Variants in HMGN5 observed in about 807,000 individuals in gnomAD.
HMGN5 encodes high mobility group nucleosome binding domain 5, also known as high mobility group nucleosome-binding domain-containing protein 5.
HMGN5 carries 4 observed loss-of-function variants against 9.5 expected under a neutral mutation model. The ratio of observed to expected loss-of-function variants is 0.42; its 90% CI spans 0.21 to 0.96. The LOEUF (loss-of-function observed/expected upper bound fraction) is 0.96, where lower values mean the gene tolerates loss of function less well. Ranked by LOEUF, HMGN5 falls within the 40% of genes least tolerant of loss-of-function variation. The pLI is 0.30. For missense variants in HMGN5, 192 were observed against 187.5 expected (o/e 1.02, Z -0.14); for synonymous variants, 55 against 57.1 (o/e 0.96, Z 0.16).
Position 81,113,760 on chromosome X carries a change from ATT to A in HMGN5, c.*887_*888del. 1.8e-5 allele frequency: 2 copies of A among 113,915 alleles called. No homozygotes were observed. The allele number at this position is 113,915 out of a possible 1,213,427, so 9.4% of individuals were successfully genotyped here. A position where few individuals can be genotyped will look rare whatever the true frequency, so the allele number is the denominator to read the frequency against. On this transcript the variant is annotated 3_prime_UTR_variant, in exon 7 of 7. Transcript: ENST00000358130. ...GCAAATCCATAGAGATAGAAGGCAG[ATT>A]AGTGGTTGCCAAGGGATGGAGGTGG... is the stretch of plus-strand genomic sequence containing the variant.
intron 1 of HMGN5, among the ~76,000 whole-genome samples, chrX:81,152,660 A>C (rs2075366916): frequency 9.0e-6 from 1 of 110,932 alleles, no homozygotes; most frequent in African/African-American, 3.3e-5. Context: ...TGCCCAAAGG[A>C]CTATAAATCA....
At chrX:81,115,935 T>G (rs1324639378) in intron 6 of HMGN5, among the ~76,000 whole-genome samples, 1 of 112,083 alleles carries the variant, frequency 8.9e-6, no homozygotes, top group Admixed American at 9.5e-5. Flanking sequence ...GGCTTGTATT[T>G]AATAAGAAGG....
chrX:81,144,343 T>A (rs1456045391), intron 1 of HMGN5, among the ~76,000 whole-genome samples: 1 of 111,615 alleles, frequency 9.0e-6, no homozygotes, highest in East Asian at 2.9e-4. Flanking sequence ...CCACTGGTGA[T>A]ACCCAGGCAA....
intron 1 of HMGN5, among the ~76,000 whole-genome samples, chrX:81,160,645 G>C (rs887549287): frequency 1.8e-5 from 2 of 111,527 alleles, no homozygotes; most frequent in African/African-American, 6.5e-5. Context: ...TCCTGTGTTA[G>C]TTTGCTGAAG....
intron 1 of HMGN5, among the ~76,000 whole-genome samples, chrX:81,166,937 T>A (rs2075412696): frequency 9.0e-6 from 1 of 111,350 alleles, no homozygotes; most frequent in Non-Finnish European, 1.9e-5. Context: ...CATCCTACCT[T>A]GGTCTTTATT....
chrX:81,150,335 G>A (rs926068163), intron 1 of HMGN5, among the ~76,000 whole-genome samples: 2 of 111,314 alleles, frequency 1.8e-5, no homozygotes, highest in Non-Finnish European at 3.8e-5. Context: ...AGGCCGAGGC[G>A]GGTGGATCAC....
At chrX:81,153,817 C>CT (rs1367123931) in intron 1 of HMGN5, among the ~76,000 whole-genome samples, 1 of 102,687 alleles carries the variant, frequency 9.7e-6, no homozygotes, top group Non-Finnish European at 2.0e-5. Flanking sequence ...TAGGAATTAA[C>CT]TTAACCAAAA....
intron 1 of HMGN5, among the ~76,000 whole-genome samples, chrX:81,177,111 A>T (rs1428545424): frequency 9.1e-6 from 1 of 110,046 alleles, no homozygotes; most frequent in Non-Finnish European, 1.9e-5. Context: ...AAACCCTACA[A>T]GCCAGAAGAG....
In HMGN5 at chrX:81,124,772, CTTGT is replaced by C. The variant is rs1467746478; in HGVS notation, c.-123-3104_-123-3101del. On this transcript the variant is annotated intron_variant, in intron 1 of 6. Transcript: ENST00000358130. Reference sequence around the variant, plus strand: ...CTATTTTTTTCTAAGATTACGTTGGCTTGTTTCTCTTTTTAATTTATTAATGACT... The same window carrying C: ...CTATTTTTTTCTAAGATTACGTTGGCTTCTCTTTTTAATTTATTAATGACT... Among the ~76,000 whole-genome samples, 3 of 111,015 alleles carry C rather than the reference CTTGT, an allele frequency of 2.7e-5. No homozygotes were observed. The Admixed American group carries it at 2.9e-4, about 11-fold the overall frequency.
chrX:81,135,321 G>C (rs1462647284), intron 1 of HMGN5, among the ~76,000 whole-genome samples: 1 of 111,414 alleles, frequency 9.0e-6, no homozygotes, highest in Non-Finnish European at 1.9e-5. Context: ...GATTTGATAT[G>C]ACTCAGTAAT....
chrX:81,115,063 T>C lies in HMGN5; in HGVS notation c.435A>G (p.Gly145=), dbSNP rs1376981794. The part of the protein sequence containing the change: ...EDQNEEKGEA[G]KEDKDEKGEE... The stretch of plus-strand genomic sequence containing the variant: ...CCCCTTTTTCATCTTTGTCTTCTTT[T>C]CCAGCTTCCCCTTTCTCTTCGTTTT... The change falls in exon 7 of 7, where the codon GGA becomes GGG. Residue 145 remains glycine (G), a synonymous_variant. Transcript: ENST00000358130. The C allele has an allele frequency of 2.6e-6, 3 of 1,158,825 alleles. No homozygotes were observed. In the South Asian group the frequency reaches 6.0e-5, roughly 23 times the overall value.
At chrX:81,194,194 G>A (rs2075501313) in intron 1 of HMGN5, among the ~76,000 whole-genome samples, 1 of 111,711 alleles carries the variant, frequency 9.0e-6, no homozygotes, top group Non-Finnish European at 1.9e-5. Context: ...AGATCTAAAT[G>A]TAAAAAGCAC....
At chrX:81,173,789 G>GC (rs1213407294) in intron 1 of HMGN5, among the ~76,000 whole-genome samples, 1 of 111,763 alleles carries the variant, frequency 8.9e-6, no homozygotes, top group Non-Finnish European at 1.9e-5. Context: ...ACAGTGCCTG[G>GC]CAAGTGGTAG....
intron 1 of HMGN5, among the ~76,000 whole-genome samples, chrX:81,177,432 G>T (rs1355596335): frequency 4.5e-5 from 3 of 66,083 alleles, no homozygotes; most frequent in Admixed American, 3.9e-4. Flanking sequence ...TGTTAAAACA[G>T]ATTTTGAACC....
rs2075243556 is a variant in HMGN5 at position 81,113,779 on chromosome X, T to G, written c.*870A>C. The G allele has an allele frequency of 1.8e-5, 2 of 111,430 alleles. No individual in the cohort carries two copies. 9.2% of individuals were successfully genotyped at this position (111,430 alleles called of 1,213,427 possible). ...AGGCAGATTAGTGGTTGCCAAGGGA[T>G]GGAGGTGGGGGATAAGTTGGGCGAA... On this transcript the variant is annotated 3_prime_UTR_variant, in exon 7 of 7. Coordinates refer to ENST00000358130, the MANE Select transcript of HMGN5 (RefSeq NM_030763.3).
chrX:81,184,567 T>TG (rs1322527776), intron 1 of HMGN5, among the ~76,000 whole-genome samples: 1 of 111,543 alleles, frequency 9.0e-6, no homozygotes, highest in African/African-American at 3.3e-5. Flanking sequence ...GATTTTTTTT[T>TG]TTTGTTTTGC....
At chrX:81,133,294 G>A (rs1045521332) in intron 1 of HMGN5, among the ~76,000 whole-genome samples, 1 of 111,675 alleles carries the variant, frequency 9.0e-6, no homozygotes, top group African/African-American at 3.3e-5. Context: ...AAGACAGTGT[G>A]ACAATTCCTC....
intron 1 of HMGN5, among the ~76,000 whole-genome samples, chrX:81,200,616 C>A (rs901791432): frequency 6.3e-5 from 7 of 111,509 alleles, no homozygotes; most frequent in Middle Eastern, 4.6e-3. Flanking sequence ...GACAGAAAAC[C>A]AAACACCACA....
At chrX:81,143,664 T>C (rs942898491) in intron 1 of HMGN5, among the ~76,000 whole-genome samples, 6 of 112,363 alleles carry the variant, frequency 5.3e-5, no homozygotes, top group African/African-American at 1.9e-4. Flanking sequence ...TTTCGCATGG[T>C]CTTCACAACT....
Sources: gnomAD v4.1 joint callset for allele counts (sites outside exome capture counted in the v4.1 genomes callset) on GRCh38, gnomAD v4.1.1 for gene constraint, MANE v1.5 for transcripts, NCBI Gene and HGNC (gene_info 2026-07-23, HGNC 2026-07-21) for gene names.